Variants in CYP7B1 observed in about 807,000 individuals in gnomAD.
The protein encoded by CYP7B1 is cytochrome P450 7B1.
CYP7B1 carries 29 observed loss-of-function variants against 42.7 expected under a neutral mutation model. The ratio of observed to expected loss-of-function variants is 0.68; its 90% CI spans 0.51 to 0.93. CYP7B1 has a LOEUF of 0.93. Among genes scored for constraint, CYP7B1 ranks in the 40% least tolerant of loss-of-function variants. CYP7B1 has a pLI of 0.00. For missense variants in CYP7B1, 655 were observed against 600.5 expected (o/e 1.09, Z -0.95); for synonymous variants, 235 against 218.2 (o/e 1.08, Z -0.68).
chr8:64,702,739 G>A (rs1276143126), intron 1 of CYP7B1, among the ~76,000 whole-genome samples: 3 of 152,068 alleles, frequency 2.0e-5, no homozygotes, highest in East Asian at 1.9e-4. Context: ...ATCTGTCAGC[G>A]TTGCTGGTGT....
intron 1 of CYP7B1, among the ~76,000 whole-genome samples, chr8:64,715,650 G>A (rs1442458555): frequency 1.3e-5 from 2 of 150,468 alleles, no homozygotes; most frequent in African/African-American, 5.0e-5. Context: ...CAAAATCACT[G>A]GCAACAGAGG....
At chr8:64,696,935 T>C (rs1806837613) in intron 1 of CYP7B1, among the ~76,000 whole-genome samples, 1 of 152,198 alleles carries the variant, frequency 6.6e-6, no homozygotes, top group Non-Finnish European at 1.5e-5. Context: ...TGTACATTTC[T>C]GGAATTTTGT....
intron 1 of CYP7B1, among the ~76,000 whole-genome samples, chr8:64,635,782 C>T (rs945026687): frequency 2.0e-5 from 3 of 152,112 alleles, no homozygotes; most frequent in Non-Finnish European, 4.4e-5. Context: ...AGCCATATAC[C>T]AGCTGAATCT....
At chr8:64,625,507 A>C (rs1805596748) in intron 1 of CYP7B1, among the ~76,000 whole-genome samples, 2 of 152,258 alleles carry the variant, frequency 1.3e-5, no homozygotes, top group African/African-American at 2.4e-5. Context: ...TCGATAAAAA[A>C]CAAATGATCA....
chr8:64,711,226 C>G (rs1234311878), intron 1 of CYP7B1, among the ~76,000 whole-genome samples: 5 of 152,220 alleles, frequency 3.3e-5, no homozygotes, highest in African/African-American at 1.2e-4. Context: ...GTCAGCTCAG[C>G]ACAGAGAGAT....
At position 64,593,997 on chromosome 8, in the gene CYP7B1, A is replaced by T. The variant is rs1805077680; in HGVS notation, c.*2645T>A. Among the ~76,000 whole-genome samples, 1 of 152,184 alleles carries T rather than the reference A, an allele frequency of 6.6e-6. No individual in the cohort carries two copies. Among genetic ancestry groups the T allele is most frequent in the Non-Finnish European group, 1.5e-5 (1 of 68,028 alleles). ...GAGACTGACACTCTGACTCAAAATC[A>T]ACCTTGGAGACCCTACAGAATGGAG... On this transcript the variant is annotated 3_prime_UTR_variant, in exon 6 of 6. Transcript: ENST00000310193.
intron 1 of CYP7B1, among the ~76,000 whole-genome samples, chr8:64,693,900 G>C (rs1806785946): frequency 6.6e-6 from 1 of 152,160 alleles, no homozygotes; most frequent in Non-Finnish European, 1.5e-5. Flanking sequence ...GAAAACTGAA[G>C]TCTAAAGTGA....
At chr8:64,640,083 T>C (rs1350272902) in intron 1 of CYP7B1, among the ~76,000 whole-genome samples, 1 of 152,076 alleles carries the variant, frequency 6.6e-6, no homozygotes, top group Non-Finnish European at 1.5e-5. Flanking sequence ...ATGAAATTTT[T>C]TGAAAAGATA....
intron 1 of CYP7B1, among the ~76,000 whole-genome samples, chr8:64,789,236 A>AG (rs1353168939): frequency 1.3e-5 from 2 of 152,140 alleles, no homozygotes; most frequent in East Asian, 3.8e-4. Context: ...CCATACACTC[A>AG]GTTTTTTTTT....
intron 1 of CYP7B1, among the ~76,000 whole-genome samples, chr8:64,671,679 A>G (rs1198210972): frequency 1.3e-5 from 2 of 152,128 alleles, no homozygotes; most frequent in African/African-American, 4.8e-5. Flanking sequence ...GCAATCCCAC[A>G]GGCCAACTGC....
intron 1 of CYP7B1, among the ~76,000 whole-genome samples, chr8:64,755,616 A>AC (rs1807796883): frequency 6.6e-6 from 1 of 151,966 alleles, no homozygotes; most frequent in Non-Finnish European, 1.5e-5. Context: ...ACGGGGTTTC[A>AC]CCATGTTGGT....
chr8:64,629,237 A>AG (rs1244442974), intron 1 of CYP7B1, among the ~76,000 whole-genome samples: 1 of 151,740 alleles, frequency 6.6e-6, no homozygotes, highest in African/African-American at 2.4e-5. Context: ...AAAAAAAAAA[A>AG]AAAAAAAAAA....
intron 4 of CYP7B1, among the ~76,000 whole-genome samples, chr8:64,614,246 C>A (rs1805401373): frequency 6.6e-6 from 1 of 152,056 alleles, no homozygotes; most frequent in Non-Finnish European, 1.5e-5. Flanking sequence ...TAAACGAAAT[C>A]TGCTGCGATT....
chr8:64,602,810 C>T (rs1482475082), intron 5 of CYP7B1, among the ~76,000 whole-genome samples: 1 of 152,098 alleles, frequency 6.6e-6, no homozygotes, highest in Non-Finnish European at 1.5e-5. Context: ...CTACTTATTG[C>T]CATATGAAGT....
At chr8:64,621,686 T>C (rs912045907) in intron 2 of CYP7B1, among the ~76,000 whole-genome samples, 2 of 151,818 alleles carry the variant, frequency 1.3e-5, no homozygotes, top group Non-Finnish European at 2.9e-5. Context: ...TCCTCTAAGA[T>C]GCATGATTTT....
At chr8:64,798,347 G>C in intron 1 of CYP7B1, 119 bp downstream of exon 1, 1 of 1,344,038 alleles carries the variant, frequency 7.4e-7, no homozygotes, top group Non-Finnish European at 9.5e-7. Flanking sequence ...CCAGTACCCC[G>C]CAGCAAGTTC....
chr8:64,727,826 C>T (rs1185923026), intron 1 of CYP7B1: 1 of 150,682 alleles, frequency 6.6e-6, no homozygotes, highest in Non-Finnish European at 1.5e-5. Context: ...TTTCAAAACA[C>T]AGGAAATGAA....
intron 1 of CYP7B1, among the ~76,000 whole-genome samples, chr8:64,777,737 C>T (rs548357335): frequency 1.3e-5 from 2 of 151,818 alleles, no homozygotes; most frequent in Admixed American, 6.6e-5. Context: ...CCACCTGCAG[C>T]GGGTTTCATC....
intron 1 of CYP7B1, among the ~76,000 whole-genome samples, chr8:64,765,180 T>C (rs56682216): frequency 0.081 from 12,283 of 152,174 alleles, 744 homozygotes; most frequent in African/African-American, 0.16. Context: ...GTCTTATTAA[T>C]AGCAAAGGAT....
Sources: allele counts gnomAD v4.1 joint callset (sites outside exome capture counted in the v4.1 genomes callset), GRCh38; gene constraint gnomAD v4.1.1; transcripts MANE v1.5; gene names NCBI Gene and HGNC (gene_info 2026-07-23, HGNC 2026-07-21).